The following FOXN3 variants were observed in gnomAD, a reference collection of about 807,000 sequenced individuals.
The protein encoded by FOXN3 is forkhead box protein N3.
In FOXN3, 7 loss-of-function variants were observed where a neutral mutation model predicts 38.4. The observed-to-expected ratio is 0.18, with a 90% CI of 0.10 to 0.34. FOXN3 has a LOEUF of 0.34. Among genes scored for constraint, FOXN3 ranks in the 10% least tolerant of loss-of-function variants. The pLI, the probability that FOXN3 is intolerant of heterozygous loss-of-function variation, is 1.00. For missense variants in FOXN3, 456 were observed against 613.4 expected, an observed-to-expected ratio of 0.74 and a Z score of 2.71; for synonymous variants, 230 against 242.2, an observed-to-expected ratio of 0.95 and a Z score of 0.47.
Position 89,417,011 on chromosome 14 carries a change from G to A in FOXN3, c.-155C>T. On this transcript the variant is annotated 5_prime_UTR_variant, in exon 1 of 6. Coordinates refer to ENST00000557258, the MANE Select transcript of FOXN3 (RefSeq NM_005197.4). ...CGCGGCGCGGCGAGCCCGGGGCGGCGGGCGGCGGGGGGCGGCCGCGGGCGC... is the reference window on the plus strand; with the variant it reads ...CGCGGCGCGGCGAGCCCGGGGCGGCAGGCGGCGGGGGGCGGCCGCGGGCGC... 6.9e-6 allele frequency: 1 copy of A among 145,198 alleles called. No homozygotes were observed. The highest frequency in any genetic ancestry group is 2.0e-4 in the South Asian group (1 of 4,888). The allele number at this position is 145,198 out of a possible 1,614,324, so 9.0% of individuals were successfully genotyped here.
intron 2 of FOXN3, among the ~76,000 whole-genome samples, chr14:89,366,542 T>C (rs1407748600): frequency 2.6e-5 from 4 of 152,294 alleles, no homozygotes; most frequent in South Asian, 2.1e-4. Context: ...ACAGTGCTAG[T>C]AGGGATGAGG....
Position 89,490,331 on chromosome 14 carries a change from G to C in FOXN3, c.-14-77841C>G, listed in dbSNP as rs533807478. Among the ~76,000 whole-genome samples the C allele has an allele frequency of 8.5e-4, 130 of 152,300 alleles. 1 individual carries two copies. In the Middle Eastern group the frequency reaches 0.01, roughly 12 times the overall value. ...CAGCGTTTAGCAAAGAGTGGTGAAC[G>C]GATTGTTGTTGGATGACGGTGTTTA... is the stretch of plus-strand genomic sequence containing the variant. On this transcript the variant is annotated intron_variant, in intron 1 of 6. Coordinates refer to the FOXN3 transcript ENST00000345097.
intron 4 of FOXN3, among the ~76,000 whole-genome samples, chr14:89,183,182 T>A (rs942203030): frequency 6.6e-6 from 1 of 152,182 alleles, no homozygotes; most frequent in Non-Finnish European, 1.5e-5. Flanking sequence ...ATAATTGTGG[T>A]GTACGGCAGT....
chr14:89,395,641 C>A (rs1439731774), intron 2 of FOXN3, among the ~76,000 whole-genome samples: 1 of 152,110 alleles, frequency 6.6e-6, no homozygotes, highest in Non-Finnish European at 1.5e-5. Context: ...TGATGCCTAG[C>A]ATAAGCCTGT....
At chr14:89,321,205 C>T (rs750720145) in intron 3 of FOXN3, among the ~76,000 whole-genome samples, 1 of 151,994 alleles carries the variant, frequency 6.6e-6, no homozygotes, top group South Asian at 2.1e-4. Context: ...ACACAAGAAT[C>T]GCTTGAACCT....
intron 3 of FOXN3, among the ~76,000 whole-genome samples, chr14:89,315,675 G>C (rs2139965440): frequency 6.6e-6 from 1 of 152,342 alleles, no homozygotes; most frequent in Admixed American, 6.5e-5. Context: ...GGGAATTTTA[G>C]ATGTCACTCT....
chr14:89,441,624 A>G (rs1892384952), intron 1 of FOXN3, among the ~76,000 whole-genome samples: 2 of 152,232 alleles, frequency 1.3e-5, no homozygotes, highest in African/African-American at 4.8e-5. Flanking sequence ...GGGTTGGACC[A>G]AGGGCTACCA....
intron 2 of FOXN3, among the ~76,000 whole-genome samples, chr14:89,406,240 C>T (rs977040066): frequency 2.0e-5 from 3 of 151,490 alleles, no homozygotes; most frequent in South Asian, 2.1e-4. Flanking sequence ...AGCCACAGTG[C>T]GCAGCCCTAC....
At chr14:89,520,370 C>A (rs1452980106) in intron 1 of FOXN3, among the ~76,000 whole-genome samples, 1 of 152,142 alleles carries the variant, frequency 6.6e-6, no homozygotes, top group African/African-American at 2.4e-5. Flanking sequence ...TTTCACTAGT[C>A]AATGCAACAT....
intron 1 of FOXN3, among the ~76,000 whole-genome samples, chr14:89,594,734 T>C (rs767346127): frequency 4.6e-5 from 7 of 152,134 alleles, no homozygotes; most frequent in Admixed American, 3.3e-4. Context: ...TCCTTTATAA[T>C]TGGTTCTTTT....
intron 4 of FOXN3, among the ~76,000 whole-genome samples, chr14:89,231,418 T>G (rs551393081): frequency 2.9e-4 from 44 of 152,164 alleles, no homozygotes; most frequent in African/African-American, 8.7e-4. Context: ...CGGCCCAGCC[T>G]CAGGAGAGGA....
intron 1 of FOXN3, among the ~76,000 whole-genome samples, chr14:89,607,875 G>A (rs1179873709): frequency 6.6e-6 from 1 of 151,926 alleles, no homozygotes; most frequent in East Asian, 1.9e-4. Flanking sequence ...GGAGTGCAGT[G>A]GCGCTATCTT....
chr14:89,502,031 G>GAGCCT (rs2139790661), intron 1 of FOXN3, among the ~76,000 whole-genome samples: 1 of 152,022 alleles, frequency 6.6e-6, no homozygotes, highest in Admixed American at 6.6e-5. Context: ...AGCCAGACAT[G>GAGCCT]GTGGCATGAG....
At chr14:89,196,200 T>C (rs1888095312) in intron 4 of FOXN3, among the ~76,000 whole-genome samples, 2 of 152,200 alleles carry the variant, frequency 1.3e-5, no homozygotes, top group South Asian at 4.1e-4. Flanking sequence ...ACACACACAG[T>C]TATATTATGC....
At chr14:89,568,603 C>A (rs1204797707) in intron 1 of FOXN3, among the ~76,000 whole-genome samples, 1 of 152,196 alleles carries the variant, frequency 6.6e-6, no homozygotes. Flanking sequence ...ACATTTGCGT[C>A]CTTTCTTGCT....
chr14:89,311,298 C>T (rs555354589), intron 3 of FOXN3, among the ~76,000 whole-genome samples: 1 of 149,832 alleles, frequency 6.7e-6, no homozygotes, highest in African/African-American at 2.5e-5. Flanking sequence ...TGGTGAAACC[C>T]TGTCTCTACT....
chr14:89,275,455 T>G (rs376205463), intron 4 of FOXN3, among the ~76,000 whole-genome samples: 63 of 152,292 alleles, frequency 4.1e-4, no homozygotes, highest in African/African-American at 1.4e-3. Context: ...AATGAAGCGC[T>G]AGGTATGCCA....
intron 2 of FOXN3, among the ~76,000 whole-genome samples, chr14:89,390,390 A>C (rs982691392): frequency 2.0e-5 from 3 of 147,984 alleles, no homozygotes; most frequent in Non-Finnish European, 4.5e-5. Flanking sequence ...TTTTTAAGTA[A>C]GGAAAACTAT....
intron 2 of FOXN3, among the ~76,000 whole-genome samples, chr14:89,368,382 C>T (rs534373264): frequency 2.6e-5 from 4 of 151,202 alleles, no homozygotes; most frequent in Admixed American, 2.0e-4. Flanking sequence ...GTGGCTCATA[C>T]CTATAATCCC....
Sources: gnomAD v4.1 joint callset for allele counts (sites outside exome capture counted in the v4.1 genomes callset) on GRCh38, gnomAD v4.1.1 for gene constraint, MANE v1.5 for transcripts, NCBI Gene and HGNC (gene_info 2026-07-23, HGNC 2026-07-21) for gene names.